The following THSD4 variants were observed in gnomAD, a reference collection of about 807,000 sequenced individuals.
The protein encoded by THSD4 is thrombospondin type-1 domain-containing protein 4.
THSD4 carries 69 observed loss-of-function variants against 119.0 expected under a neutral mutation model. The observed-to-expected ratio is 0.58, with a 90% confidence interval of 0.48 to 0.71. The LOEUF is 0.71. Ranked by LOEUF, THSD4 falls within the 30% of genes least tolerant of loss-of-function variation. The pLI is 0.00. For synonymous variants in THSD4, 524 were observed against 540.4 expected, an observed-to-expected ratio of 0.97 and a Z score of 0.42; for missense variants, 1,393 against 1,391.1, an observed-to-expected ratio of 1.00 and a Z score of -0.02.
intron 6 of THSD4, among the ~76,000 whole-genome samples, chr15:71,354,409 G>A (rs1300590685): frequency 6.6e-6 from 1 of 152,160 alleles, no homozygotes; most frequent in Non-Finnish European, 1.5e-5. Context: ...GGATCACAGT[G>A]GCTTTAGACT....
intron 3 of THSD4, among the ~76,000 whole-genome samples, chr15:71,213,342 C>A (rs1435271773): frequency 6.6e-6 from 1 of 152,188 alleles, no homozygotes; most frequent in African/African-American, 2.4e-5. Flanking sequence ...ATGATCTCTT[C>A]TTGAGATGAG....
chr15:71,447,473 A>G (rs1334617529), intron 7 of THSD4, among the ~76,000 whole-genome samples: 2 of 152,014 alleles, frequency 1.3e-5, no homozygotes, highest in African/African-American at 2.4e-5. Context: ...TACTCAGCTA[A>G]TGAGTCACCC....
chr15:71,478,946 T>C (rs190203049), intron 7 of THSD4, among the ~76,000 whole-genome samples: 2 of 152,330 alleles, frequency 1.3e-5, no homozygotes, highest in Admixed American at 1.3e-4. Flanking sequence ...TCTTTAATAT[T>C]TCCTGAAACC....
At chr15:71,340,319 T>A (rs1201040758) in intron 6 of THSD4, among the ~76,000 whole-genome samples, 1 of 152,200 alleles carries the variant, frequency 6.6e-6, no homozygotes, top group Non-Finnish European at 1.5e-5. Flanking sequence ...GTTGAAGGAC[T>A]TGCTGAAGGT....
At chr15:71,134,389 T>G (rs1185010200) in intron 1 of THSD4, among the ~76,000 whole-genome samples, 1 of 152,226 alleles carries the variant, frequency 6.6e-6, no homozygotes, top group Non-Finnish European at 1.5e-5. Context: ...AGAGGCAGCG[T>G]GCATCTGCAG....
chr15:71,295,874 A>C (rs1358282636), intron 6 of THSD4, among the ~76,000 whole-genome samples: 1 of 152,112 alleles, frequency 6.6e-6, no homozygotes, highest in African/African-American at 2.4e-5. Flanking sequence ...CTGTAGATTT[A>C]CCTTTTCTGG....
intron 3 of THSD4, among the ~76,000 whole-genome samples, chr15:71,159,471 T>C (rs2043229759): frequency 6.6e-6 from 1 of 152,144 alleles, no homozygotes; most frequent in Admixed American, 6.5e-5. Flanking sequence ...CCTATTGTTT[T>C]TAAAGTTTTC....
At chr15:71,530,145 C>T (rs893891952) in intron 7 of THSD4, among the ~76,000 whole-genome samples, 4 of 142,034 alleles carry the variant, frequency 2.8e-5, no homozygotes, top group Non-Finnish European at 4.6e-5. Flanking sequence ...AAATGAAACA[C>T]CCCTGTTAGA....
intron 5 of THSD4, among the ~76,000 whole-genome samples, chr15:71,250,006 TC>T (rs1301952917): frequency 6.6e-6 from 1 of 152,228 alleles, no homozygotes; most frequent in Non-Finnish European, 1.5e-5. Context: ...TTAGGAAAAA[TC>T]AGTTAACTCC....
At chr15:71,374,182 T>C (rs2046099545) in intron 6 of THSD4, among the ~76,000 whole-genome samples, 1 of 152,234 alleles carries the variant, frequency 6.6e-6, no homozygotes, top group South Asian at 2.1e-4. Context: ...TGTCCTTGAC[T>C]GTGGAGTGGT....
intron 7 of THSD4, among the ~76,000 whole-genome samples, chr15:71,566,156 C>CTT (rs58827489): frequency 1.0e-3 from 145 of 141,828 alleles, no homozygotes; most frequent in Middle Eastern, 7.0e-3. Context: ...TTCTTTTTTT[C>CTT]TTTTTTTTTT....
chr15:71,100,016 C>T (rs2040247689), intron 1 of THSD4, among the ~76,000 whole-genome samples: 1 of 152,176 alleles, frequency 6.6e-6, no homozygotes, highest in African/African-American at 2.4e-5. Flanking sequence ...AAGTGAGTTT[C>T]TCTTAGGCAG....
chr15:71,101,968 C>T (rs568242272), intron 1 of THSD4, among the ~76,000 whole-genome samples: 5 of 152,200 alleles, frequency 3.3e-5, no homozygotes, highest in Admixed American at 1.3e-4. Flanking sequence ...CCCCCTTGGC[C>T]GCCCAAAGTG....
chr15:71,270,866 A>G (rs1490617624), intron 6 of THSD4, among the ~76,000 whole-genome samples: 1 of 150,854 alleles, frequency 6.6e-6, no homozygotes, highest in African/African-American at 2.4e-5. Flanking sequence ...TAGAAGGCAT[A>G]TTAGGAGTGT....
intron 6 of THSD4, among the ~76,000 whole-genome samples, chr15:71,317,061 A>G (rs937905221): frequency 3.9e-5 from 6 of 152,252 alleles, no homozygotes; most frequent in African/African-American, 1.4e-4. Context: ...TTTGCTTTGT[A>G]TAATAATAGT....
intron 1 of THSD4, among the ~76,000 whole-genome samples, chr15:71,119,969 G>A (rs991258136): frequency 6.6e-6 from 1 of 152,232 alleles, no homozygotes; most frequent in Non-Finnish European, 1.5e-5. Flanking sequence ...AAAGCCCTAA[G>A]GCACATAGCA....
At chr15:71,256,588 G>T in intron 5 of THSD4, 25 bp from the exon 6 acceptor site, 1 of 1,598,174 alleles carries the variant, frequency 6.3e-7, no homozygotes, top group Non-Finnish European at 8.6e-7. Flanking sequence ...GACACTAATT[G>T]CATATTTAAT....
At chr15:71,436,461 A>G (rs929050547) in intron 7 of THSD4, among the ~76,000 whole-genome samples, 3 of 152,176 alleles carry the variant, frequency 2.0e-5, no homozygotes, top group Non-Finnish European at 4.4e-5. Flanking sequence ...TTTACCACCT[A>G]CTTAACCAGA....
At chr15:71,476,038 T>C (rs933038501) in intron 7 of THSD4, among the ~76,000 whole-genome samples, 1 of 152,234 alleles carries the variant, frequency 6.6e-6, no homozygotes, top group Non-Finnish European at 1.5e-5. Context: ...TTTATTAATC[T>C]TCTCGAGCCT....
Sources: gnomAD v4.1 joint callset for allele counts (sites outside exome capture counted in the v4.1 genomes callset) on GRCh38, gnomAD v4.1.1 for gene constraint, MANE v1.5 for transcripts, NCBI Gene and HGNC (gene_info 2026-07-23, HGNC 2026-07-21) for gene names.